Variants in BICC1 observed in about 807,000 individuals in gnomAD.
BICC1 encodes the protein BicC family RNA binding protein 1.
In BICC1, 43 loss-of-function variants were observed where a neutral mutation model predicts 111.0. The observed-to-expected ratio is 0.39, with a 90% CI of 0.30 to 0.50. The LOEUF (loss-of-function observed/expected upper bound fraction) is 0.50. Among genes scored for constraint, BICC1 ranks in the 20% least tolerant of loss-of-function variants. The probability of loss-of-function intolerance (pLI) is 0.88; values close to 1 mark genes in which losing one functional copy is unlikely to be tolerated. For synonymous variants in BICC1, 467 were observed against 434.4 expected, an observed-to-expected ratio of 1.07 and a Z score of -0.93; for missense variants, 1,091 against 1,203.2, an observed-to-expected ratio of 0.91 and a Z score of 1.38.
At chr10:58,565,622 C>A (rs1271197610) in intron 1 of BICC1, among the ~76,000 whole-genome samples, 1 of 152,014 alleles carries the variant, frequency 6.6e-6, no homozygotes, top group African/African-American at 2.4e-5. Flanking sequence ...AACTGGAAAC[C>A]TTTATCATAT....
intron 1 of BICC1, among the ~76,000 whole-genome samples, chr10:58,597,867 C>T (rs1844873178): frequency 6.6e-6 from 1 of 152,048 alleles, no homozygotes; most frequent in South Asian, 2.1e-4. Flanking sequence ...TCCCTTGTTC[C>T]CTAACAATCG....
At chr10:58,578,692 C>A (rs561894062) in intron 1 of BICC1, among the ~76,000 whole-genome samples, 1 of 152,208 alleles carries the variant, frequency 6.6e-6, no homozygotes. Context: ...AGGTAAACAG[C>A]TTCTGGCATA....
intron 1 of BICC1, among the ~76,000 whole-genome samples, chr10:58,517,226 AG>A (rs1842265823): frequency 6.6e-6 from 1 of 152,128 alleles, no homozygotes; most frequent in Admixed American, 6.6e-5. Flanking sequence ...TCATGAAAGG[AG>A]ATTGACATCT....
chr10:58,750,570 A>G (rs916882791), intron 3 of BICC1, among the ~76,000 whole-genome samples: 2 of 152,138 alleles, frequency 1.3e-5, no homozygotes, highest in African/African-American at 4.8e-5. Context: ...CTACCAGACC[A>G]CTAGCTATTG....
chr10:58,536,442 G>A (rs188125570), intron 1 of BICC1, among the ~76,000 whole-genome samples: 56 of 151,738 alleles, frequency 3.7e-4, no homozygotes, highest in African/African-American at 1.3e-3. Flanking sequence ...TAAATACATG[G>A]AAGTTAATCT....
At chr10:58,629,574 A>G (rs1241437319) in intron 2 of BICC1, among the ~76,000 whole-genome samples, 1 of 152,228 alleles carries the variant, frequency 6.6e-6, no homozygotes, top group African/African-American at 2.4e-5. Context: ...GCAAATTAAT[A>G]TACTAAATAA....
At chr10:58,524,232 G>T (rs913703441) in intron 1 of BICC1, among the ~76,000 whole-genome samples, 2 of 152,054 alleles carry the variant, frequency 1.3e-5, no homozygotes, top group Non-Finnish European at 2.9e-5. Context: ...AAAAAAGCCC[G>T]CATTGCCAAG....
intron 1 of BICC1, among the ~76,000 whole-genome samples, chr10:58,607,509 C>A (rs1018670667): frequency 1.3e-5 from 2 of 151,776 alleles, no homozygotes; most frequent in Non-Finnish European, 2.9e-5. Context: ...CTTCTCCTCT[C>A]TTCTCTTTCC....
chr10:58,695,645 G>A (rs1051780886), intron 2 of BICC1, among the ~76,000 whole-genome samples: 1 of 152,132 alleles, frequency 6.6e-6, no homozygotes, highest in Admixed American at 6.6e-5. Flanking sequence ...ACTTAACGTC[G>A]GGAGCGAAGA....
intron 10 of BICC1, among the ~76,000 whole-genome samples, chr10:58,798,178 C>T (rs533161409): frequency 1.3e-5 from 2 of 152,274 alleles, no homozygotes; most frequent in East Asian, 1.9e-4. Flanking sequence ...ACCTATCTTC[C>T]ATTTTCTGAT....
chr10:58,717,372 A>G (rs1300640995), intron 3 of BICC1, among the ~76,000 whole-genome samples: 2 of 152,126 alleles, frequency 1.3e-5, no homozygotes, highest in Non-Finnish European at 2.9e-5. Context: ...AAAAAAAAAA[A>G]CAGCTTCATA....
intron 1 of BICC1, among the ~76,000 whole-genome samples, chr10:58,580,027 A>G (rs1448033664): frequency 1.4e-5 from 2 of 144,546 alleles, no homozygotes; most frequent in African/African-American, 5.1e-5. Context: ...CCTCTTAGCA[A>G]TTTTTTTTTT....
At chr10:58,683,227 G>A (rs1332655642) in intron 2 of BICC1, among the ~76,000 whole-genome samples, 3 of 152,124 alleles carry the variant, frequency 2.0e-5, no homozygotes, top group South Asian at 4.1e-4. Flanking sequence ...GTTCTGTTCT[G>A]TTCCATTGGT....
intron 2 of BICC1, among the ~76,000 whole-genome samples, chr10:58,662,459 G>A (rs1838873106): frequency 6.6e-6 from 1 of 152,192 alleles, no homozygotes; most frequent in Admixed American, 6.5e-5. Context: ...CATTAGGAAT[G>A]TGAAACCAGA....
intron 2 of BICC1, among the ~76,000 whole-genome samples, chr10:58,632,454 A>G (rs1233543950): frequency 1.3e-5 from 2 of 152,134 alleles, no homozygotes; most frequent in Non-Finnish European, 2.9e-5. Flanking sequence ...GTGGCACAGA[A>G]GTGCCATCCA....
At chr10:58,708,984 T>G (rs1295191616) in intron 3 of BICC1, among the ~76,000 whole-genome samples, 1 of 152,168 alleles carries the variant, frequency 6.6e-6, no homozygotes, top group Non-Finnish European at 1.5e-5. Context: ...TAAATAGTAT[T>G]CTCTTAACTC....
intron 2 of BICC1, among the ~76,000 whole-genome samples, chr10:58,638,685 A>G (rs952406927): frequency 2.0e-5 from 3 of 152,148 alleles, no homozygotes; most frequent in Non-Finnish European, 2.9e-5. Context: ...ACTTGTACCA[A>G]TAAGAGCCAC....
At chr10:58,579,435 G>A (rs749057281) in intron 1 of BICC1, among the ~76,000 whole-genome samples, 12 of 152,284 alleles carry the variant, frequency 7.9e-5, no homozygotes, top group Non-Finnish European at 1.3e-4. Context: ...GCTTGTGTGC[G>A]TGCAGGCATT....
chr10:58,642,819 C>T (rs181358051), intron 2 of BICC1, among the ~76,000 whole-genome samples: 6 of 152,192 alleles, frequency 3.9e-5, no homozygotes, highest in Admixed American at 3.3e-4. Context: ...ATTCTCCCCA[C>T]TCAGCCTCCT....
Sources: gnomAD v4.1 joint callset for allele counts (sites outside exome capture counted in the v4.1 genomes callset) on GRCh38, gnomAD v4.1.1 for gene constraint, MANE v1.5 for transcripts, NCBI Gene and HGNC (gene_info 2026-07-23, HGNC 2026-07-21) for gene names.